Variants in NUP58 observed in about 807,000 individuals in gnomAD.
NUP58 encodes the protein nucleoporin 58.
Under a neutral mutation model 70.1 loss-of-function variants are expected in NUP58, and 17 were observed. That is an observed-to-expected ratio of 0.24 (90% CI 0.17 to 0.36). The LOEUF is 0.36. NUP58 is among the 10% of genes least tolerant of loss of function. NUP58 has a pLI of 1.00. For synonymous variants in NUP58, 275 were observed against 257.6 expected (o/e 1.07, Z -0.65); for missense variants, 644 against 701.5 (o/e 0.92, Z 0.93).
intron 7 of NUP58, 143 bp from the exon 8 acceptor site, chr13:25,320,387 G>C: frequency 1.9e-6 from 1 of 538,704 alleles, no homozygotes. Context: ...TTTTTATAAA[G>C]AGCTTTGAAA....
At chr13:25,303,999 C>T (rs1418507840) in intron 1 of NUP58, among the ~76,000 whole-genome samples, 1 of 152,118 alleles carries the variant, frequency 6.6e-6, no homozygotes, top group Non-Finnish European at 1.5e-5. Context: ...GCCTGACAGC[C>T]CCTAGTGCCA....
At chr13:25,344,299 A>G (rs758593578), downstream of NUP58, among the ~76,000 whole-genome samples, 21 of 152,180 alleles carry the variant, frequency 1.4e-4, no homozygotes, top group Non-Finnish European at 1.3e-4. Context: ...GTGTGATTTT[A>G]AGCAAGTTAT....
rs1192347962 is a variant in NUP58 at position 25,340,289 on chromosome 13, A to G, written c.*155A>G. On this transcript the variant is annotated 3_prime_UTR_variant, in exon 16 of 16. Transcript: ENST00000381736. ...AATTTGAACTTTCTTCATGTTTGCC[A>G]TACTGAACATCTTTTTTCTTGTGGA... 6.4e-6 allele frequency: 4 copies of G among 627,840 alleles called. No homozygotes were observed. The highest frequency in any genetic ancestry group is 3.3e-5 in the South Asian group (1 of 30,082). The allele number at this position is 627,840 out of a possible 1,614,324, so 38.9% of individuals were successfully genotyped here. A position where few individuals can be genotyped will look rare whatever the true frequency, so the allele number is the denominator to read the frequency against.
At chr13:25,332,682 T>C (rs2031651796) in intron 13 of NUP58, 1 of 985,346 alleles carries the variant, frequency 1.0e-6, no homozygotes, top group South Asian at 4.7e-5. Flanking sequence ...GGGTTGATGA[T>C]AGATTTATGC....
Position 25,315,453 on chromosome 13 carries a change from C to A in NUP58, c.671C>A (p.Ser224Tyr). The A allele has an allele frequency of 6.2e-7, 1 of 1,610,070 alleles. No homozygotes were observed. The highest frequency in any genetic ancestry group is 8.5e-7 in the Non-Finnish European group (1 of 1,176,654). The change falls in exon 6 of 16, where the codon TCC becomes TAC. Residue 224 changes from serine (S) to tyrosine (Y), a missense_variant. By Grantham distance (144) the Ser-to-Tyr change is moderately radical. Coordinates refer to ENST00000381736, the MANE Select transcript of NUP58 (RefSeq NM_014089.4). The stretch of plus-strand genomic sequence containing the variant: ...CTTGGTGGTATAGATTTCAGTAGCT[C>A]CTCAGATAAAAAGAGTAAGTAATGC... ...EGLGGIDFSSSSDKKSDKTGT... is the reference protein window; with the variant it reads ...EGLGGIDFSSYSDKKSDKTGT...
Position 25,347,750 on chromosome 13 carries a change from T to C in NUP58, n.322-1812T>C, listed in dbSNP as rs76012647. The stretch of plus-strand genomic sequence containing the variant: ...ATAATGGAGCTTGTTTTTGTAGATG[T>C]TTTTATAGGTGCATTAATAAAAATT... On this transcript the variant is annotated intron_variant and non_coding_transcript_variant, in intron 3 of 3. Coordinates refer to the NUP58 transcript ENST00000477876. Among the ~76,000 whole-genome samples, 1,160 of 152,320 alleles carry C rather than the reference T, an allele frequency of 7.6e-3. 13 individuals are homozygous for C. The highest frequency in any genetic ancestry group is 0.026 in the African/African-American group (1,089 of 41,556).
intron 1 of NUP58, among the ~76,000 whole-genome samples, chr13:25,304,486 ATATATAT>A (rs1270734054): frequency 1.8e-5 from 1 of 57,074 alleles, no homozygotes; most frequent in Non-Finnish European, 3.6e-5. Flanking sequence ...GATTATATAT[ATATATAT>A]ATATATATAT....
At chr13:25,313,793 A>G (rs773495097) in intron 5 of NUP58, 42 bp downstream of exon 5, 2 of 1,424,378 alleles carry the variant, frequency 1.4e-6, no homozygotes, top group Admixed American at 5.8e-5. Context: ...AAATATTTAT[A>G]TTTAAATGTA....
At chr13:25,336,150 G>A (rs2031772852) in intron 13 of NUP58, 1 of 1,336,370 alleles carries the variant, frequency 7.5e-7, no homozygotes, top group Admixed American at 2.2e-5. Flanking sequence ...AATCTTGAAT[G>A]TATTGAATCT....
At chr13:25,326,829 T>G (rs2031412981) in intron 10 of NUP58, 87 bp from the exon 11 acceptor site, 1 of 688,904 alleles carries the variant, frequency 1.5e-6, no homozygotes, top group Non-Finnish European at 2.5e-6. Context: ...TGAAGACTAT[T>G]AAATGATTGC....
intron 13 of NUP58, chr13:25,333,417 C>G: frequency 1.0e-6 from 1 of 985,354 alleles, no homozygotes; most frequent in Non-Finnish European, 1.2e-6. Flanking sequence ...GGGAAATTGA[C>G]TGCCTTCACT....
At chr13:25,347,027 G>T (rs1338843594), downstream of NUP58, among the ~76,000 whole-genome samples, 1 of 152,122 alleles carries the variant, frequency 6.6e-6, no homozygotes, top group African/African-American at 2.4e-5. Flanking sequence ...ACATCTTGGG[G>T]ATGGGATCCA....
At chr13:25,315,686 CT>C (rs2030897469) in intron 6 of NUP58, among the ~76,000 whole-genome samples, 1 of 12,566 alleles carries the variant, frequency 8.0e-5, no homozygotes, top group Admixed American at 9.1e-3. Flanking sequence ...AAGCATTTGT[CT>C]GTCAGTAACT....
intron 1 of NUP58, among the ~76,000 whole-genome samples, chr13:25,304,601 C>T (rs1429171493): frequency 6.7e-6 from 1 of 149,656 alleles, no homozygotes; most frequent in Non-Finnish European, 1.5e-5. Flanking sequence ...ATTGCAACCT[C>T]CACCTTACGG....
At position 25,333,302 on chromosome 13, in the gene NUP58, CTT is replaced by C. The variant is rs1404542928; in HGVS notation, c.1435+1746_1435+1747del. 2.1e-5 allele frequency: 21 copies of C among 985,202 alleles called. No homozygotes were observed. In the South Asian group the frequency reaches 4.7e-4, roughly 22 times the overall value. 61.0% of individuals were successfully genotyped at this position (985,202 alleles called of 1,614,324 possible). On this transcript the variant is annotated intron_variant, in intron 13 of 15. Coordinates refer to ENST00000381736, the MANE Select transcript of NUP58 (RefSeq NM_014089.4). ...CAAAGGTAGACAATATAGATTTTGTCTTTGCCCTCTGTGGTGGTTGACAATGT... is the reference window on the plus strand; with the variant it reads ...CAAAGGTAGACAATATAGATTTTGTCTGCCCTCTGTGGTGGTTGACAATGT...
chr13:25,347,253 C>T (rs968966802), downstream of NUP58, among the ~76,000 whole-genome samples: 1 of 152,090 alleles, frequency 6.6e-6, no homozygotes, highest in African/African-American at 2.4e-5. Context: ...ATTTGCATTC[C>T]AGCTCATGGG....
chr13:25,345,365 G>C (rs2032035696), downstream of NUP58, among the ~76,000 whole-genome samples: 1 of 135,006 alleles, frequency 7.4e-6, no homozygotes, highest in East Asian at 2.3e-4. Context: ...CAGTTCATAT[G>C]GGGGAAACTA....
chr13:25,334,647 A>C (rs2031720548), intron 13 of NUP58: 1 of 981,132 alleles, frequency 1.0e-6, no homozygotes, highest in Non-Finnish European at 1.2e-6. Flanking sequence ...TGACTTAGAA[A>C]TAACCATACT....
At chr13:25,335,401 A>T (rs932070042) in intron 13 of NUP58, 1 of 985,310 alleles carries the variant, frequency 1.0e-6, no homozygotes, top group African/African-American at 1.7e-5. Context: ...CCTCCTATTA[A>T]CCTGTGACAA....
Sources: allele counts gnomAD v4.1 joint callset (sites outside exome capture counted in the v4.1 genomes callset), GRCh38; gene constraint gnomAD v4.1.1; transcripts MANE v1.5; gene names NCBI Gene and HGNC (gene_info 2026-07-23, HGNC 2026-07-21).